EFCAB13: variants seen among roughly 807,000 people sequenced by gnomAD.
EFCAB13 encodes EF-hand calcium-binding domain-containing protein 13.
Under a neutral mutation model 110.2 loss-of-function variants are expected in EFCAB13, and 91 were observed. The ratio of observed to expected loss-of-function variants is 0.83; its 90% confidence interval spans 0.70 to 0.98. The LOEUF is 0.98. EFCAB13 is among the 50% of genes least tolerant of loss of function. The pLI is 0.00. For synonymous variants in EFCAB13, 323 were observed against 369.9 expected (o/e 0.87, Z 1.45); for missense variants, 968 against 1,119.4 (o/e 0.86, Z 1.93).
intron 9 of EFCAB13, among the ~76,000 whole-genome samples, chr17:47,355,678 T>G (rs1486198218): frequency 6.6e-6 from 1 of 151,504 alleles, no homozygotes; most frequent in Admixed American, 6.6e-5. Context: ...GTTCAAGTGA[T>G]TCTTCTACCT....
chr17:47,422,600 G>C (rs2143498250), intron 23 of EFCAB13, among the ~76,000 whole-genome samples: 1 of 152,166 alleles, frequency 6.6e-6, no homozygotes, highest in Non-Finnish European at 1.5e-5. Flanking sequence ...TTGTATTTCT[G>C]TATTTTGCCA....
intron 9 of EFCAB13, among the ~76,000 whole-genome samples, chr17:47,355,916 G>C (rs1344760739): frequency 6.6e-6 from 1 of 151,940 alleles, no homozygotes; most frequent in Non-Finnish European, 1.5e-5. Flanking sequence ...CTTTGTTTTT[G>C]TTGCCTCGGG....
intron 23 of EFCAB13, among the ~76,000 whole-genome samples, chr17:47,422,219 C>T (rs1046231725): frequency 2.6e-5 from 4 of 152,062 alleles, no homozygotes; most frequent in Admixed American, 6.5e-5. Flanking sequence ...ATGTAGAAAA[C>T]ATATTTGATC....
Position 47,412,804 on chromosome 17 carries a change from T to C in EFCAB13, c.2310T>C (p.His770=), listed in dbSNP as rs748510621. The C allele has an allele frequency of 5.6e-6, 9 of 1,613,592 alleles. No homozygotes were observed. The highest frequency in any genetic ancestry group is 1.6e-4 in the Middle Eastern group (1 of 6,066). The change falls in exon 22 of 25, where the codon CAT becomes CAC. Residue 770 remains histidine, a synonymous_variant. Coordinates refer to ENST00000331493, the MANE Select transcript of EFCAB13 (RefSeq NM_152347.5). ...EIKEAANILS[H]VDNGKIGIPD... ...AAGAAGCTGCTAACATCTTGTCACATGTCGATAATGGCAAGATTGGTATAC... is the reference window on the plus strand; with the variant it reads ...AAGAAGCTGCTAACATCTTGTCACACGTCGATAATGGCAAGATTGGTATAC...
intron 9 of EFCAB13, among the ~76,000 whole-genome samples, chr17:47,354,731 C>T (rs931821873): frequency 6.6e-6 from 1 of 152,108 alleles, no homozygotes; most frequent in African/African-American, 2.4e-5. Context: ...CTTTTTCCAC[C>T]CCTTTACCTT....
chr17:47,341,930 A>G lies in EFCAB13; in HGVS notation c.201A>G (p.Thr67=). The change falls in exon 6 of 25, where the codon ACA becomes ACG. Residue 67 remains threonine, a synonymous_variant. Transcript: ENST00000331493. ...LSPEYKKIFE[T]SIIFCGEEKS... is the part of the protein sequence containing the mutation. ...TTTCTGTGTCATTTAGATTTGAAAC[A>G]TCAATAATCTTTTGTGGAGAAGAAA... is the stretch of plus-strand genomic sequence containing the variant. 3 of 1,540,280 alleles carry G rather than the reference A, an allele frequency of 1.9e-6. No individual in the cohort carries two copies. Among genetic ancestry groups the G allele is most frequent in the Non-Finnish European group, 2.6e-6 (3 of 1,132,450 alleles).
At chr17:47,333,884 T>C (rs1457566294) in intron 4 of EFCAB13, among the ~76,000 whole-genome samples, 1 of 152,212 alleles carries the variant, frequency 6.6e-6, no homozygotes, top group Non-Finnish European at 1.5e-5. Context: ...TGCCTCCAAC[T>C]TTGTTCTTTT....
At chr17:47,337,558 T>C (rs2065358349) in intron 5 of EFCAB13, among the ~76,000 whole-genome samples, 3 of 152,196 alleles carry the variant, frequency 2.0e-5, no homozygotes, top group Admixed American at 6.5e-5. Flanking sequence ...ATCCTTATTC[T>C]ATGAAATGTG....
chr17:47,352,097 T>C (rs1159606376), intron 9 of EFCAB13, among the ~76,000 whole-genome samples: 7 of 151,414 alleles, frequency 4.6e-5, no homozygotes, highest in African/African-American at 7.3e-5. Context: ...AGAGACGGGG[T>C]TTCACCGTGT....
intron 12 of EFCAB13, among the ~76,000 whole-genome samples, chr17:47,376,141 ATGAT>A (rs1216173492): frequency 1.3e-5 from 2 of 152,204 alleles, no homozygotes; most frequent in East Asian, 1.9e-4. Flanking sequence ...AATAGATAAA[ATGAT>A]TGTTTAGTGA....
At position 47,374,521 on chromosome 17, in the gene EFCAB13, A is replaced by G. The variant is rs771393443; in HGVS notation, c.927A>G (p.Leu309=). Residue 309 remains leucine, a synonymous_variant, in exon 12 of 25, where the codon TTA becomes TTG. Transcript: ENST00000331493. Reference sequence around the variant, plus strand: ...ATGAAATTACTTCAGACAGAAAGTTATCAAGTGTAGCAGGATGCTATCTAA... The same window carrying G: ...ATGAAATTACTTCAGACAGAAAGTTGTCAAGTGTAGCAGGATGCTATCTAA... ...PLNEITSDRK[L]SSVAGCYLKY... is the part of the protein sequence containing the mutation. The G allele has an allele frequency of 3.8e-6, 6 of 1,562,540 alleles. No individual in the cohort carries two copies. In the South Asian group the frequency reaches 6.1e-5, roughly 16 times the overall value.
intron 8 of EFCAB13, among the ~76,000 whole-genome samples, chr17:47,346,335 A>G (rs1226056780): frequency 6.6e-6 from 1 of 151,914 alleles, no homozygotes; most frequent in African/African-American, 2.4e-5. Flanking sequence ...TTCACTTAGC[A>G]TAATGTCCTT....
chr17:47,329,691 TTTCTTC>T (rs1229308220), intron 4 of EFCAB13, among the ~76,000 whole-genome samples: 1 of 152,150 alleles, frequency 6.6e-6, no homozygotes, highest in Non-Finnish European at 1.5e-5. Context: ...CTGAGATTGT[TTTCTTC>T]TTCTGTGTCA....
At chr17:47,393,822 G>T (rs999077359) in intron 15 of EFCAB13, among the ~76,000 whole-genome samples, 1 of 151,246 alleles carries the variant, frequency 6.6e-6, no homozygotes, top group Non-Finnish European at 1.5e-5. Flanking sequence ...ATTTTGACCC[G>T]TTTTCTTGGT....
At position 47,374,966 on chromosome 17, in the gene EFCAB13, G is replaced by A. The variant is rs755313895; in HGVS notation, c.1372G>A (p.Glu458Lys). ...GGAAAAAACTGCAATTAGTACTCTG[G>A]GTAAGTAAAAATCTAGGTTCTTGAG... ...STEKTAISTLENFCEAISKLQ... is the reference protein window; with the variant it reads ...STEKTAISTLKNFCEAISKLQ... Residue 458 changes from glutamate to lysine, a missense_variant and splice_region_variant, in exon 12 of 25, where the codon GAA (glutamate) becomes AAA (lysine). By Grantham distance (56) the Glu-to-Lys change is moderately conservative (BLOSUM62 1). Coordinates refer to ENST00000331493, the MANE Select transcript of EFCAB13 (RefSeq NM_152347.5). The A allele has an allele frequency of 3.2e-5, 49 of 1,548,014 alleles. No homozygotes were observed. The highest frequency in any genetic ancestry group is 4.1e-5 in the Non-Finnish European group (47 of 1,155,586).
chr17:47,344,061 C>A, intron 6 of EFCAB13, 101 bp from the exon 7 acceptor site: 2 of 1,312,178 alleles, frequency 1.5e-6, no homozygotes, highest in Non-Finnish European at 2.0e-6. Context: ...AATGAGGAGC[C>A]AAGGTATGAT....
At position 47,391,484 on chromosome 17, in the gene EFCAB13, G is replaced by T; in HGVS notation, c.1630G>T (p.Val544Leu). 1 of 1,587,464 alleles carries T rather than the reference G, an allele frequency of 6.3e-7. No individual in the cohort carries two copies. The highest frequency in any genetic ancestry group is 8.5e-7 in the Non-Finnish European group (1 of 1,170,258). ...CATTGATAAAATTAAAGATAAAAATGTGGATTATGAGGATCTAAATACTTG... is the reference window on the plus strand; with the variant it reads ...CATTGATAAAATTAAAGATAAAAATTTGGATTATGAGGATCTAAATACTTG... ...KAIDKIKDKN[V>L]DYEDLNTCLQ... The change falls in exon 15 of 25, where the codon GTG (valine) becomes TTG (leucine). Residue 544 changes from valine (V) to leucine (L), a missense_variant. Val to Leu is a conservative substitution (Grantham distance 32). Transcript: ENST00000331493.
intron 4 of EFCAB13, among the ~76,000 whole-genome samples, chr17:47,331,685 A>G (rs1276925411): frequency 2.0e-5 from 3 of 152,140 alleles, no homozygotes; most frequent in Admixed American, 1.3e-4. Context: ...ATAGTATCAT[A>G]CAGAATAATC....
At chr17:47,414,547 T>C (rs1904367289) in intron 22 of EFCAB13, among the ~76,000 whole-genome samples, 1 of 150,490 alleles carries the variant, frequency 6.6e-6, no homozygotes, top group African/African-American at 2.4e-5. Flanking sequence ...GCGAAGAGTA[T>C]GCACATCACA....
Sources: allele counts gnomAD v4.1 joint callset (sites outside exome capture counted in the v4.1 genomes callset), GRCh38; gene constraint gnomAD v4.1.1; transcripts MANE v1.5; gene names NCBI Gene and HGNC (gene_info 2026-07-23, HGNC 2026-07-21).